Variants in ARHGAP15 observed in about 807,000 individuals in gnomAD.
ARHGAP15 encodes Rho GTPase activating protein 15.
In ARHGAP15, 51 loss-of-function variants were observed where a neutral mutation model predicts 63.7. The observed-to-expected ratio is 0.80, with a 90% confidence interval of 0.64 to 1.01. The LOEUF (loss-of-function observed/expected upper bound fraction) is 1.01. Ranked by LOEUF, ARHGAP15 falls within the 50% of genes least tolerant of loss-of-function variation. ARHGAP15 has a pLI of 0.00. For missense variants in ARHGAP15, 560 were observed against 564.6 expected, an observed-to-expected ratio of 0.99 and a Z score of 0.08; for synonymous variants, 191 against 193.8, an observed-to-expected ratio of 0.99 and a Z score of 0.12.
chr2:143,250,584 G>T lies in ARHGAP15; in HGVS notation c.458G>T (p.Arg153Ile). The change falls in exon 6 of 14, where the codon AGA becomes ATA. Residue 153 changes from arginine to isoleucine, a missense_variant. Coordinates refer to ENST00000295095, the MANE Select transcript of ARHGAP15 (RefSeq NM_018460.4). ...GAATGGGCCAAGGAAAAATCGAGCA[G>T]AAAGAATGTCTTTCAGGTAAGAATG... ...HIEWAKEKSS[R>I]KNVFQITTVS... 1 of 1,612,880 alleles carries T rather than the reference G, an allele frequency of 6.2e-7. No individual in the cohort carries two copies. The highest frequency in any genetic ancestry group is 8.5e-7 in the Non-Finnish European group (1 of 1,179,090).
At chr2:143,544,490 T>C (rs1472412235) in intron 10 of ARHGAP15, among the ~76,000 whole-genome samples, 4 of 152,224 alleles carry the variant, frequency 2.6e-5, no homozygotes, top group Non-Finnish European at 5.9e-5. Context: ...TGTGTATATA[T>C]GTATATGTAT....
intron 11 of ARHGAP15, among the ~76,000 whole-genome samples, chr2:143,599,969 G>A (rs1157001869): frequency 6.6e-6 from 1 of 152,104 alleles, no homozygotes; most frequent in African/African-American, 2.4e-5. Context: ...AACCATAAAA[G>A]TAATTTCTTT....
chr2:143,249,849 T>G (rs1680060771), intron 5 of ARHGAP15, among the ~76,000 whole-genome samples: 1 of 152,136 alleles, frequency 6.6e-6, no homozygotes, highest in African/African-American at 2.4e-5. Flanking sequence ...TTGGTCTAAG[T>G]TAAATTTACC....
chr2:143,733,126 C>A (rs1685610425), intron 13 of ARHGAP15, among the ~76,000 whole-genome samples: 1 of 152,082 alleles, frequency 6.6e-6, no homozygotes, highest in South Asian at 2.1e-4. Flanking sequence ...ACTCTCAGTT[C>A]ATGGGAACAA....
chr2:143,417,971 G>A (rs1688757284), intron 6 of ARHGAP15, among the ~76,000 whole-genome samples: 1 of 152,196 alleles, frequency 6.6e-6, no homozygotes, highest in Admixed American at 6.5e-5. Flanking sequence ...TGCAACTGCT[G>A]ATGGAGTAGG....
chr2:143,203,430 C>T (rs1377255370), intron 3 of ARHGAP15, among the ~76,000 whole-genome samples: 2 of 152,058 alleles, frequency 1.3e-5, no homozygotes, highest in Non-Finnish European at 2.9e-5. Context: ...GTTGTTAAAT[C>T]CATCAGTAAC....
At chr2:143,762,922 A>AC (rs1686809983) in intron 13 of ARHGAP15, among the ~76,000 whole-genome samples, 1 of 152,114 alleles carries the variant, frequency 6.6e-6, no homozygotes, top group South Asian at 2.1e-4. Flanking sequence ...GATCAGATCC[A>AC]CCCCTCCAAC....
At chr2:143,592,684 C>T (rs1328738191) in intron 11 of ARHGAP15, among the ~76,000 whole-genome samples, 2 of 152,176 alleles carry the variant, frequency 1.3e-5, no homozygotes, top group Non-Finnish European at 2.9e-5. Flanking sequence ...GAAGAGAAGA[C>T]TTAACTCTTT....
intron 2 of ARHGAP15, among the ~76,000 whole-genome samples, chr2:143,168,354 T>G (rs185169929): frequency 8.9e-4 from 135 of 152,094 alleles, no homozygotes; most frequent in African/African-American, 2.9e-3. Flanking sequence ...TTTTTCAAGT[T>G]TTTTTGTAGA....
At chr2:143,529,947 G>T (rs1694451735) in intron 10 of ARHGAP15, among the ~76,000 whole-genome samples, 1 of 152,020 alleles carries the variant, frequency 6.6e-6, no homozygotes, top group Admixed American at 6.6e-5. Flanking sequence ...AGGAATTATG[G>T]TTGGATCACC....
intron 12 of ARHGAP15, among the ~76,000 whole-genome samples, chr2:143,649,342 C>T (rs1681049562): frequency 6.6e-6 from 1 of 151,990 alleles, no homozygotes; most frequent in Non-Finnish European, 1.5e-5. Flanking sequence ...ACTGACATCT[C>T]AGTCCCTGGT....
chr2:143,740,066 G>C (rs1685903703), intron 13 of ARHGAP15, among the ~76,000 whole-genome samples: 1 of 151,858 alleles, frequency 6.6e-6, no homozygotes, highest in Admixed American at 6.6e-5. Flanking sequence ...CTGTGTTTGA[G>C]AGATTATGTT....
At chr2:143,198,621 C>T (rs956668661) in intron 2 of ARHGAP15, among the ~76,000 whole-genome samples, 2 of 152,044 alleles carry the variant, frequency 1.3e-5, no homozygotes, top group African/African-American at 4.8e-5. Flanking sequence ...ATAATATGTA[C>T]ACCACACATT....
At chr2:143,743,673 C>T (rs1686051541) in intron 13 of ARHGAP15, among the ~76,000 whole-genome samples, 1 of 152,150 alleles carries the variant, frequency 6.6e-6, no homozygotes, top group Admixed American at 6.6e-5. Context: ...CCCGTTTCAG[C>T]AGTTTGCCAG....
At chr2:143,676,401 T>G (rs1294674675) in intron 12 of ARHGAP15, 1 of 152,212 alleles carries the variant, frequency 6.6e-6, no homozygotes, top group African/African-American at 2.4e-5. Flanking sequence ...CAACCTAGCT[T>G]TTGGCCCATC....
chr2:143,473,862 T>C (rs1295810677), intron 8 of ARHGAP15, among the ~76,000 whole-genome samples: 1 of 152,196 alleles, frequency 6.6e-6, no homozygotes, highest in Non-Finnish European at 1.5e-5. Context: ...AGGTACTTAA[T>C]GTCTCAAGAA....
chr2:143,445,975 A>C (rs1188144798), intron 8 of ARHGAP15, among the ~76,000 whole-genome samples: 1 of 151,944 alleles, frequency 6.6e-6, no homozygotes, highest in Non-Finnish European at 1.5e-5. Flanking sequence ...AAAGTTATCA[A>C]AGTGTTAGCC....
At chr2:143,503,495 C>T (rs975757437) in intron 9 of ARHGAP15, among the ~76,000 whole-genome samples, 11 of 152,318 alleles carry the variant, frequency 7.2e-5, no homozygotes, top group African/African-American at 2.4e-4. Context: ...TCTTCACACT[C>T]TCCAGCTAAT....
intron 6 of ARHGAP15, among the ~76,000 whole-genome samples, chr2:143,431,751 A>C (rs1689398916): frequency 6.6e-6 from 1 of 152,044 alleles, no homozygotes; most frequent in Non-Finnish European, 1.5e-5. Flanking sequence ...CCTAGCTTCT[A>C]GCAATGTGCC....
Sources: gnomAD v4.1 joint callset for allele counts (sites outside exome capture counted in the v4.1 genomes callset) on GRCh38, gnomAD v4.1.1 for gene constraint, MANE v1.5 for transcripts, NCBI Gene and HGNC (gene_info 2026-07-23, HGNC 2026-07-21) for gene names.